DPP9: variants seen among roughly 807,000 people sequenced by gnomAD.
DPP9 encodes dipeptidyl peptidase 9.
Under a neutral mutation model 110.7 loss-of-function variants are expected in DPP9, and 50 were observed. The observed-to-expected ratio is 0.45, with a 90% CI of 0.36 to 0.57. DPP9 has a LOEUF of 0.57. Ranked by LOEUF, DPP9 falls within the 20% of genes least tolerant of loss-of-function variation. The probability of loss-of-function intolerance (pLI) is 0.00; values close to 1 mark genes in which losing one functional copy is unlikely to be tolerated. For missense variants in DPP9, 1,022 were observed against 1,217.9 expected, an observed-to-expected ratio of 0.84 and a Z score of 2.39; for synonymous variants, 561 against 514.4, an observed-to-expected ratio of 1.09 and a Z score of -1.23.
chr19:4,704,782 C>T lies in DPP9; in HGVS notation c.427-478G>A, dbSNP rs182600000. On this transcript the variant is annotated intron_variant, in intron 5 of 21. Transcript: ENST00000262960. This position sits in a 1 kb window ranked among gnomAD's most constrained non-coding sequence, Gnocchi z 6.0. ...TTGGGAGGCCGAGGTGGGCAGATCA[C>T]GAGGTCAGAAATTCGAGACCAGCCT... Among the ~76,000 whole-genome samples the T allele has an allele frequency of 4.1e-4, 63 of 152,272 alleles. No homozygotes were observed. The East Asian group carries it at 8.1e-3, about 20-fold the overall frequency.
chr19:4,691,488 A>G (rs950005981), intron 13 of DPP9, among the ~76,000 whole-genome samples: 1 of 151,420 alleles, frequency 6.6e-6, no homozygotes, highest in African/African-American at 2.4e-5. Flanking sequence ...AAAAAAAACA[A>G]AAAACAAAAA....
intron 19 of DPP9, 193 bp from the exon 20 acceptor site, chr19:4,683,031 G>A (rs2090136323): frequency 2.0e-6 from 3 of 1,519,250 alleles, no homozygotes; most frequent in Middle Eastern, 2.2e-4. Flanking sequence ...GGGGTGGGCA[G>A]GGCGCCACAG....
Position 4,704,102 on chromosome 19 carries a change from C to T in DPP9, c.600+29G>A, listed in dbSNP as rs2092450451. ...CAGGGGGAGGGGCCCTCCACGCCAC[C>T]CCCGCACACAGCCAGGGCCAGGGCT... is the stretch of plus-strand genomic sequence containing the variant. On this transcript the variant is annotated intron_variant, in intron 6 of 21. Coordinates refer to ENST00000262960, the MANE Select transcript of DPP9 (RefSeq NM_139159.5). The surrounding 1 kb of genome is among the most constrained non-coding windows in gnomAD (Gnocchi z 6.0). The T allele has an allele frequency of 6.2e-7, 1 of 1,613,766 alleles. No homozygotes were observed. The highest frequency in any genetic ancestry group is 2.2e-5 in the East Asian group (1 of 44,886).
rs1044874277 is a variant in DPP9, at chr19:4,695,198, C to T, written c.1353+180G>A. 10 of 641,892 alleles carry T rather than the reference C, an allele frequency of 1.6e-5. No individual in the cohort carries two copies. Among genetic ancestry groups the T allele is most frequent in the Non-Finnish European group, 2.6e-5 (10 of 387,038 alleles). 39.8% of individuals were successfully genotyped at this position (641,892 alleles called of 1,614,324 possible). On this transcript the variant is annotated intron_variant, in intron 12 of 21. Transcript: ENST00000262960. The surrounding 1 kb of genome is among the most constrained non-coding windows in gnomAD (Gnocchi z 4.7). ...GGGAGAGGCTCCAATGGCTGCCAGA[C>T]TCACCAACCCCCCTAGACCCTCTTC... is the stretch of plus-strand genomic sequence containing the variant.
rs552226387 is a variant in DPP9 at position 4,693,510 on chromosome 19, G to C, written c.1516+1151C>G. On this transcript the variant is annotated intron_variant, in intron 13 of 21. Transcript: ENST00000262960. The surrounding 1 kb of genome is among the most constrained non-coding windows in gnomAD (Gnocchi z 5.0). ...CCCTCTCTGAGTCTGTCTTAGACTG[G>C]ACCTGCGGAGCCCTCCGGGCATCCA... Among the ~76,000 whole-genome samples, 1 of 152,228 alleles carries C rather than the reference G, an allele frequency of 6.6e-6. No homozygotes were observed. The highest frequency in any genetic ancestry group is 2.1e-4 in the South Asian group (1 of 4,822).
Position 4,695,235 on chromosome 19 carries a change from G to A in DPP9, c.1353+143C>T, listed in dbSNP as rs1317562810. On this transcript the variant is annotated intron_variant, in intron 12 of 21. Coordinates refer to ENST00000262960, the MANE Select transcript of DPP9 (RefSeq NM_139159.5). The surrounding 1 kb of genome is among the most constrained non-coding windows in gnomAD (Gnocchi z 4.7). ...CCTAGACCCTCTTCCCTGCCAGCCA[G>A]GGATGGCCAAGGCCTGAGCTCACTT... 1 of 893,144 alleles carries A rather than the reference G, an allele frequency of 1.1e-6. No individual in the cohort carries two copies. Among genetic ancestry groups the A allele is most frequent in the Non-Finnish European group, 1.6e-6 (1 of 607,242 alleles). 55.3% of individuals were successfully genotyped at this position (893,144 alleles called of 1,614,324 possible).
chr19:4,702,558 G>A, intron 8 of DPP9, 45 bp downstream of exon 8: 1 of 1,460,668 alleles, frequency 6.8e-7, no homozygotes, highest in Non-Finnish European at 9.4e-7. Context: ...GATTCCAGGA[G>A]GAAAAGCACG....
intron 14 of DPP9, 67 bp downstream of exon 14, chr19:4,690,811 G>A: frequency 8.1e-7 from 1 of 1,233,014 alleles, no homozygotes; most frequent in South Asian, 1.3e-5. Flanking sequence ...GTGCGTGTGT[G>A]TGTGAGTGTA....
rs1599874626 is a variant in DPP9 at position 4,685,326 on chromosome 19, A to T, written c.2031+300T>A. 1.7e-6 allele frequency: 1 copy of T among 589,144 alleles called. No individual in the cohort carries two copies. The highest frequency in any genetic ancestry group is 3.2e-6 in the Non-Finnish European group (1 of 312,896). 36.5% of individuals were successfully genotyped at this position (589,144 alleles called of 1,614,324 possible). On this transcript the variant is annotated intron_variant, in intron 17 of 21. Coordinates refer to ENST00000262960, the MANE Select transcript of DPP9 (RefSeq NM_139159.5). The surrounding 1 kb of genome is among the most constrained non-coding windows in gnomAD (Gnocchi z 5.8). ...GGAATTGGGCCCAGGGCCCATGGCC[A>T]CCTCCATACCAACCTGGAGACTAGG...
Position 4,689,427 on chromosome 19 carries a change from T to A in DPP9, c.1749+143A>T, listed in dbSNP as rs1040930782. 6 of 1,050,020 alleles carry A rather than the reference T, an allele frequency of 5.7e-6. No homozygotes were observed. The highest frequency in any genetic ancestry group is 1.6e-5 in the African/African-American group (1 of 61,128). 65.0% of individuals were successfully genotyped at this position (1,050,020 alleles called of 1,614,324 possible). A position where few individuals can be genotyped will look rare whatever the true frequency, so the allele number is the denominator to read the frequency against. On this transcript the variant is annotated intron_variant, in intron 15 of 21. Coordinates refer to ENST00000262960, the MANE Select transcript of DPP9 (RefSeq NM_139159.5). The surrounding 1 kb of genome is among the most constrained non-coding windows in gnomAD (Gnocchi z 7.0). ...CCCTGCCCTACCCAGGAGGCAGGGG[T>A]GGGCACTGCCTGCCCCAAGGCAGCT...
At position 4,685,429 on chromosome 19, in the gene DPP9, C is replaced by A; in HGVS notation, c.2031+197G>T. 1.5e-6 allele frequency: 1 copy of A among 678,176 alleles called. No homozygotes were observed. Among genetic ancestry groups the A allele is most frequent in the East Asian group, 2.8e-5 (1 of 36,106 alleles). 42.0% of individuals were successfully genotyped at this position (678,176 alleles called of 1,614,324 possible). ...CCATCCAGGAAGGGCGGGGAGCGTG[C>A]AAACGGGCACAGAGAAAGGAGGGTG... On this transcript the variant is annotated intron_variant, in intron 17 of 21. Coordinates refer to ENST00000262960, the MANE Select transcript of DPP9 (RefSeq NM_139159.5). The surrounding 1 kb of genome is among the most constrained non-coding windows in gnomAD (Gnocchi z 5.8).
chr19:4,722,647 C>T, intron 1 of DPP9, 96 bp from the exon 2 acceptor site: 1 of 688,978 alleles, frequency 1.5e-6, no homozygotes, highest in Non-Finnish European at 2.7e-6. Flanking sequence ...ACTGTCAGGC[C>T]CGATTCTACC....
chr19:4,713,968 C>T, intron 4 of DPP9, 113 bp downstream of exon 4: 1 of 1,418,454 alleles, frequency 7.0e-7, no homozygotes, highest in Admixed American at 2.7e-5. Flanking sequence ...GCCCAGGGCC[C>T]AGCCATCCGA....
Position 4,684,882 on chromosome 19 carries a change from TGGGCTGGGGACCGGGCC to T in DPP9, c.2032-90_2032-74del, listed in dbSNP as rs760485373. The T allele has an allele frequency of 8.6e-5, 133 of 1,546,448 alleles. 2 individuals carry two copies. The Middle Eastern group carries it at 1.2e-3, about 14-fold the overall frequency. ...ACGGGCCTGGCAGGGGAGATGCCGG[TGGGCTGGGGACCGGGCC>T]GGGCTGGGGCCTCAGAGCCTAATGA... On this transcript the variant is annotated intron_variant, in intron 17 of 21. Transcript: ENST00000262960. This position sits in a 1 kb window ranked among gnomAD's most constrained non-coding sequence, Gnocchi z 4.8.
rs1249548449 is a variant in DPP9 at position 4,700,936 on chromosome 19, ATC to A, written c.1013-661_1013-660del. Among the ~76,000 whole-genome samples the A allele has an allele frequency of 1.3e-5, 2 of 152,272 alleles. No individual in the cohort carries two copies. The highest frequency in any genetic ancestry group is 6.8e-3 in the Middle Eastern group (2 of 294). ...GTGACATCTCTGAGCCTGTTTTCTC[ATC>A]TGTCATACGAGGGGGAAAAGACTGA... On this transcript the variant is annotated intron_variant, in intron 9 of 21. Transcript: ENST00000262960. The surrounding 1 kb of genome is among the most constrained non-coding windows in gnomAD (Gnocchi z 4.3).
rs1004407251 is a variant in DPP9, at chr19:4,710,861, C to G, written c.313+3220G>C. Among the ~76,000 whole-genome samples, 1 of 152,154 alleles carries G rather than the reference C, an allele frequency of 6.6e-6. No homozygotes were observed. The highest frequency in any genetic ancestry group is 2.4e-5 in the African/African-American group (1 of 41,438). On this transcript the variant is annotated intron_variant, in intron 4 of 21. Coordinates refer to ENST00000262960, the MANE Select transcript of DPP9 (RefSeq NM_139159.5). This position sits in a 1 kb window ranked among gnomAD's most constrained non-coding sequence, Gnocchi z 5.6. ...TCTGGTTTTTGAGCTACTCTAGGTA[C>G]GTTCTGGGGTTTCTGCCAAGTTCAT...
chr19:4,686,613 C>T (rs1280464843), intron 16 of DPP9, among the ~76,000 whole-genome samples: 3 of 152,184 alleles, frequency 2.0e-5, no homozygotes, highest in Admixed American at 6.6e-5. Context: ...AGCCACCACA[C>T]CCAGCCATCG....
intron 4 of DPP9, among the ~76,000 whole-genome samples, chr19:4,709,529 G>A (rs375645125): frequency 1.3e-5 from 2 of 152,132 alleles, no homozygotes; most frequent in African/African-American, 2.4e-5. Flanking sequence ...CTGCCCGTCC[G>A]GCCGCCCATG....
chr19:4,684,029 A>C lies in DPP9; in HGVS notation c.2179-400T>G. 1 of 376,410 alleles carries C rather than the reference A, an allele frequency of 2.7e-6. No individual in the cohort carries two copies. Among genetic ancestry groups the C allele is most frequent in the East Asian group, 6.7e-5 (1 of 14,866 alleles). The allele number at this position is 376,410 out of a possible 1,614,324, so 23.3% of individuals were successfully genotyped here. On this transcript the variant is annotated intron_variant, in intron 18 of 21. Transcript: ENST00000262960. This position sits in a 1 kb window ranked among gnomAD's most constrained non-coding sequence, Gnocchi z 4.8. ...CGTTGTCACTACCAGCCACATCCCCACCACCGCCACTGCCACGATTTCAAT... is the reference window on the plus strand; with the variant it reads ...CGTTGTCACTACCAGCCACATCCCCCCCACCGCCACTGCCACGATTTCAAT...
Sources: allele counts gnomAD v4.1 joint callset (sites outside exome capture counted in the v4.1 genomes callset), GRCh38; gene constraint gnomAD v4.1.1; non-coding constraint Gnocchi (gnomAD v3.1); transcripts MANE v1.5; gene names NCBI Gene and HGNC (gene_info 2026-07-23, HGNC 2026-07-21).